DDX60L: variants seen among roughly 807,000 people sequenced by gnomAD.
The protein encoded by DDX60L is probable ATP-dependent RNA helicase DDX60-like.
DDX60L carries 191 observed loss-of-function variants against 211.6 expected under a neutral mutation model. The observed-to-expected ratio is 0.90, with a 90% CI of 0.80 to 1.02. DDX60L has a LOEUF of 1.02. Among genes scored for constraint, DDX60L ranks in the 50% least tolerant of loss-of-function variants. The pLI, the probability that DDX60L is intolerant of heterozygous loss-of-function variation, is 0.00. For synonymous variants in DDX60L, 706 were observed against 694.1 expected (o/e 1.02, Z -0.27); for missense variants, 2,007 against 1,984.1 (o/e 1.01, Z -0.22).
intron 8 of DDX60L, 41 bp downstream of exon 8, chr4:168,453,083 A>G (rs1357029992): frequency 2.6e-6 from 4 of 1,545,934 alleles, no homozygotes; most frequent in Non-Finnish European, 3.5e-6. Context: ...CATGGTTTTC[A>G]TCTCTCATGT....
At chr4:168,430,768 C>G (rs4692931) in intron 12 of DDX60L, 130 bp from the exon 13 acceptor site, 3 of 626,934 alleles carry the variant, frequency 4.8e-6, no homozygotes, top group Non-Finnish European at 7.4e-6. Flanking sequence ...GATTACCATA[C>G]GCTAACAAAA....
Position 168,357,966 on chromosome 4 carries a change from G to A in DDX60L, c.*181C>T. On this transcript the variant is annotated 3_prime_UTR_variant, in exon 38 of 38. Coordinates refer to ENST00000682922, the MANE Select transcript of DDX60L (RefSeq NM_001012967.3). ...CGGTTTTGCCAAAAATGAAGTTAAA[G>A]CTCAGATATATTACATAACTTAAAG... 1 of 523,026 alleles carries A rather than the reference G, an allele frequency of 1.9e-6. No homozygotes were observed. The highest frequency in any genetic ancestry group is 3.3e-6 in the Non-Finnish European group (1 of 303,766). The allele number at this position is 523,026 out of a possible 1,614,324, so 32.4% of individuals were successfully genotyped here. A position where few individuals can be genotyped will look rare whatever the true frequency, so the allele number is the denominator to read the frequency against.
At chr4:168,384,250 C>A (rs1182000682) in intron 30 of DDX60L, among the ~76,000 whole-genome samples, 1 of 152,092 alleles carries the variant, frequency 6.6e-6, no homozygotes, top group Non-Finnish European at 1.5e-5. Flanking sequence ...AACCCTAATA[C>A]AGTGGGTGGA....
rs1579120415 is a variant in DDX60L at position 168,357,684 on chromosome 4, G to A, written c.*463C>T. 6.4e-6 allele frequency: 1 copy of A among 157,152 alleles called. No individual in the cohort carries two copies. The highest frequency in any genetic ancestry group is 2.4e-5 in the African/African-American group (1 of 41,484). The allele number at this position is 157,152 out of a possible 1,614,324, so 9.7% of individuals were successfully genotyped here. On this transcript the variant is annotated 3_prime_UTR_variant, in exon 38 of 38. Transcript: ENST00000682922. ...TCCAGTCCACAGCAGTGAGTTTCTTGTAATCTCAGAAGTCTTCTTACATAA... is the reference window on the plus strand; with the variant it reads ...TCCAGTCCACAGCAGTGAGTTTCTTATAATCTCAGAAGTCTTCTTACATAA...
intron 4 of DDX60L, among the ~76,000 whole-genome samples, chr4:168,471,030 T>C (rs966245583): frequency 7.9e-5 from 12 of 152,204 alleles, no homozygotes; most frequent in African/African-American, 2.7e-4. Context: ...GTAAATACTA[T>C]GCACGTGCCA....
intron 29 of DDX60L, among the ~76,000 whole-genome samples, chr4:168,385,142 A>C (rs1743641481): frequency 6.6e-6 from 1 of 152,220 alleles, no homozygotes; most frequent in African/African-American, 2.4e-5. Flanking sequence ...GTCACCAGAA[A>C]GACCAAGGCA....
chr4:168,423,863 C>T (rs1751048210), intron 14 of DDX60L, 89 bp from the exon 15 acceptor site: 3 of 809,254 alleles, frequency 3.7e-6, no homozygotes, highest in East Asian at 3.0e-5. Flanking sequence ...ATCAATTAAC[C>T]TCATGTGATT....
At chr4:168,467,345 G>T (rs1758125141) in intron 4 of DDX60L, among the ~76,000 whole-genome samples, 1 of 151,072 alleles carries the variant, frequency 6.6e-6, no homozygotes, top group Admixed American at 6.6e-5. Context: ...GGACACAGAG[G>T]TTACAGTGTG....
At chr4:168,433,145 G>T (rs1293083385) in intron 10 of DDX60L, 30 bp from the exon 11 acceptor site, 2 of 1,430,224 alleles carry the variant, frequency 1.4e-6, no homozygotes, top group South Asian at 1.2e-5. Context: ...TAAGATGAGA[G>T]GAAAGGTGTA....
chr4:168,450,678 G>C (rs1755684682), intron 8 of DDX60L, among the ~76,000 whole-genome samples: 1 of 152,162 alleles, frequency 6.6e-6, no homozygotes, highest in South Asian at 2.1e-4. Context: ...CACTTTGTGA[G>C]GCTGAGGCAG....
chr4:168,370,867 A>G (rs1221033086), intron 36 of DDX60L, among the ~76,000 whole-genome samples: 1 of 150,102 alleles, frequency 6.7e-6, no homozygotes, highest in Admixed American at 6.6e-5. Flanking sequence ...ACTTGTTTCC[A>G]TGGCTAAATT....
intron 4 of DDX60L, among the ~76,000 whole-genome samples, chr4:168,465,402 T>C (rs1757857466): frequency 6.6e-6 from 1 of 152,148 alleles, no homozygotes; most frequent in African/African-American, 2.4e-5. Flanking sequence ...TATTAATTCC[T>C]TGTAGGATAA....
intron 29 of DDX60L, 53 bp from the exon 30 acceptor site, chr4:168,384,865 G>A (rs1038366213): frequency 1.3e-6 from 2 of 1,517,266 alleles, no homozygotes; most frequent in African/African-American, 1.4e-5. Flanking sequence ...ATTATCCTAT[G>A]AAGTCCAAAG....
At chr4:168,461,206 A>C (rs1230884416) in intron 5 of DDX60L, among the ~76,000 whole-genome samples, 3 of 152,120 alleles carry the variant, frequency 2.0e-5, no homozygotes, top group African/African-American at 7.2e-5. Context: ...CAGGGGCCCC[A>C]CCCTAGGTTA....
At chr4:168,477,588 T>A (rs921634311) in intron 1 of DDX60L, among the ~76,000 whole-genome samples, 1 of 152,162 alleles carries the variant, frequency 6.6e-6, no homozygotes, top group East Asian at 1.9e-4. Flanking sequence ...TTCATCCTCA[T>A]CTTAGATGTA....
In DDX60L at chr4:168,404,082, T is replaced by A. The variant is rs17540213; in HGVS notation, c.3238A>T (p.Ser1080Cys). The change falls in exon 25 of 38, where the codon AGT becomes TGT. Residue 1080 changes from serine to cysteine, a missense_variant. Physicochemically the swap from Ser to Cys is moderately radical, Grantham distance 112. Transcript: ENST00000682922. The stretch of plus-strand genomic sequence containing the variant: ...TTTGAACTAGACAATGAATCCGGAC[T>A]AAGGTTCTTCAGTACTCTTTTGACC... Reference protein sequence around the residue: ...KKVKRVLKNLSPDSLSSSKDM... With the variant: ...KKVKRVLKNLCPDSLSSSKDM... The A allele has an allele frequency of 0.062, 87,681 of 1,416,232 alleles. 3,106 individuals carry two copies. The highest frequency in any genetic ancestry group is 0.099 in the Middle Eastern group (547 of 5,550). 87.7% of individuals were successfully genotyped at this position (1,416,232 alleles called of 1,614,324 possible).
intron 29 of DDX60L, among the ~76,000 whole-genome samples, chr4:168,388,012 G>A (rs1031967254): frequency 6.6e-6 from 1 of 152,142 alleles, no homozygotes; most frequent in Non-Finnish European, 1.5e-5. Context: ...TACCACAACT[G>A]AAAATGACAG....
intron 8 of DDX60L, among the ~76,000 whole-genome samples, chr4:168,449,666 G>GAAAAAAAAAA (rs1755484258): frequency 5.0e-5 from 1 of 19,824 alleles, no homozygotes; most frequent in Non-Finnish European, 8.5e-5. Context: ...AAAAAAAAAA[G>GAAAAAAAAAA]AAAAAAGAAA....
intron 29 of DDX60L, chr4:168,390,444 A>C: frequency 7.5e-7 from 1 of 1,337,040 alleles, no homozygotes; most frequent in Non-Finnish European, 9.5e-7. Context: ...AAACAGCAAC[A>C]TCCTAAAAGG....
Sources: allele counts gnomAD v4.1 joint callset (sites outside exome capture counted in the v4.1 genomes callset), GRCh38; gene constraint gnomAD v4.1.1; transcripts MANE v1.5; gene names NCBI Gene and HGNC (gene_info 2026-07-23, HGNC 2026-07-21).